Variants in GTF2I observed in about 807,000 individuals in gnomAD.
GTF2I encodes general transcription factor IIi.
A neutral mutation model predicts 67.6 loss-of-function variants in GTF2I; 12 were observed. The ratio of observed to expected loss-of-function variants is 0.18; its 90% CI spans 0.11 to 0.29. The LOEUF is 0.29. GTF2I is among the 10% of genes least tolerant of loss of function. The probability of loss-of-function intolerance (pLI) is 1.00; values close to 1 mark genes in which losing one functional copy is unlikely to be tolerated. For synonymous variants in GTF2I, 149 were observed against 197.0 expected (o/e 0.76, Z 2.04); for missense variants, 271 against 580.1 (o/e 0.47, Z 5.47).
At chr7:74,700,486 A>T in intron 5 of GTF2I, 56 bp downstream of exon 5, 1 of 1,603,010 alleles carries the variant, frequency 6.2e-7, no homozygotes, top group Non-Finnish European at 8.5e-7. Context: ...AAATTTGAAT[A>T]TTTAGCTTAC....
chr7:74,692,674 AT>A (rs1788441737), intron 3 of GTF2I, among the ~76,000 whole-genome samples: 1 of 152,118 alleles, frequency 6.6e-6, no homozygotes, highest in Non-Finnish European at 1.5e-5. Context: ...TTGATACAGC[AT>A]TTTCTTAAAA....
At chr7:74,679,149 G>A (rs1407658092) in intron 1 of GTF2I, among the ~76,000 whole-genome samples, 1 of 151,324 alleles carries the variant, frequency 6.6e-6, no homozygotes, top group Non-Finnish European at 1.5e-5. Context: ...CGTGAACTTG[G>A]ATCACTGCAA....
At chr7:74,688,165 G>A (rs957290564) in intron 1 of GTF2I, among the ~76,000 whole-genome samples, 42 of 152,110 alleles carry the variant, frequency 2.8e-4, no homozygotes, top group East Asian at 7.7e-4. Context: ...TGCAACCTCC[G>A]TCTCCCAGGT....
chr7:74,673,880 C>T (rs111540703), intron 1 of GTF2I, among the ~76,000 whole-genome samples: 14 of 150,772 alleles, frequency 9.3e-5, no homozygotes, highest in African/African-American at 3.2e-4. Context: ...AGGGTTTCAC[C>T]GAGTTGGCCA....
Position 74,714,919 on chromosome 7 carries a change from A to T in GTF2I, c.823+3A>T, listed in dbSNP as rs1554403341. On this transcript the variant is annotated splice_donor_region_variant and intron_variant, in intron 10 of 34. Coordinates refer to ENST00000573035, the MANE Select transcript of GTF2I (RefSeq NM_032999.4). ...GCCCCTATCGAAGCCTTTGCAAGGT[A>T]TAATCTTTTCACTTCCATTCTCCCA... 1 of 1,584,480 alleles carries T rather than the reference A, an allele frequency of 6.3e-7. No individual in the cohort carries two copies. Among genetic ancestry groups the T allele is most frequent in the Non-Finnish European group, 8.6e-7 (1 of 1,158,552 alleles).
intron 19 of GTF2I, among the ~76,000 whole-genome samples, chr7:74,738,763 G>A (rs1211982703): frequency 7.3e-4 from 1 of 1,370 alleles, no homozygotes; most frequent in African/African-American, 1.3e-3. Flanking sequence ...GACAGTTGGC[G>A]CGTCTTTCAT....
intron 3 of GTF2I, among the ~76,000 whole-genome samples, chr7:74,694,771 A>G (rs1206597374): frequency 3.3e-5 from 5 of 152,202 alleles, no homozygotes; most frequent in African/African-American, 4.8e-5. Flanking sequence ...GATACTCTCT[A>G]GGACTTTGCT....
rs587626982 is a variant in GTF2I at position 74,684,298 on chromosome 7, G to A, written c.-5-4826G>A. 2.8e-4 allele frequency among the ~76,000 whole-genome samples: 43 copies of A among 152,314 alleles called. No homozygotes were observed. In the South Asian group the frequency reaches 6.2e-3, roughly 22 times the overall value. On this transcript the variant is annotated intron_variant, in intron 1 of 34. Coordinates refer to ENST00000573035, the MANE Select transcript of GTF2I (RefSeq NM_032999.4). ...TGAGGGTATTCATAAAAGGGATTGA[G>A]CATTTCCATTTATGGACGAGGCAAC...
intron 12 of GTF2I, among the ~76,000 whole-genome samples, chr7:74,725,481 G>GTTCAAGACCAAC (rs1403412988): frequency 2.6e-5 from 4 of 151,948 alleles, no homozygotes; most frequent in South Asian, 4.1e-4. Context: ...GAGGCCAGGA[G>GTTCAAGACCAAC]TTCAAGACCA....
chr7:74,660,535 T>TA (rs1804382274), intron 1 of GTF2I, among the ~76,000 whole-genome samples: 1 of 152,116 alleles, frequency 6.6e-6, no homozygotes, highest in Non-Finnish European at 1.5e-5. Context: ...TGTTCCTTCT[T>TA]AGTCTCCCAA....
intron 1 of GTF2I, among the ~76,000 whole-genome samples, chr7:74,658,899 C>T (rs971360287): frequency 8.5e-5 from 13 of 152,194 alleles, no homozygotes; most frequent in African/African-American, 2.7e-4. Context: ...AAAGCTGTCT[C>T]CTTCCCGCTC....
intron 3 of GTF2I, among the ~76,000 whole-genome samples, chr7:74,691,967 G>A (rs587600541): frequency 6.6e-6 from 1 of 151,354 alleles, no homozygotes; most frequent in African/African-American, 2.4e-5. Context: ...AGTAAAGACA[G>A]GGTTTTGCCA....
intron 10 of GTF2I, among the ~76,000 whole-genome samples, chr7:74,715,304 G>A (rs1554403413): frequency 6.6e-6 from 1 of 152,020 alleles, no homozygotes; most frequent in East Asian, 1.9e-4. Flanking sequence ...TTGTTAATCT[G>A]TAAGTTTCGA....
chr7:74,676,466 C>G (rs1039617457), intron 1 of GTF2I, among the ~76,000 whole-genome samples: 2 of 151,962 alleles, frequency 1.3e-5, no homozygotes, highest in South Asian at 4.1e-4. Flanking sequence ...AACAAACAAA[C>G]AAACAAACCA....
At chr7:74,695,941 C>T (rs2131315157) in intron 3 of GTF2I, among the ~76,000 whole-genome samples, 1 of 152,162 alleles carries the variant, frequency 6.6e-6, no homozygotes, top group African/African-American at 2.4e-5. Context: ...CTGTCCTCAG[C>T]TGCAAGCTGT....
At chr7:74,692,456 C>A (rs1263826059) in intron 3 of GTF2I, among the ~76,000 whole-genome samples, 5 of 152,216 alleles carry the variant, frequency 3.3e-5, no homozygotes, top group Non-Finnish European at 7.3e-5. Context: ...CAAAATTAAA[C>A]AGTTCTCCTC....
intron 12 of GTF2I, among the ~76,000 whole-genome samples, chr7:74,720,327 A>C (rs1459341319): frequency 6.6e-6 from 1 of 151,886 alleles, no homozygotes; most frequent in Non-Finnish European, 1.5e-5. Flanking sequence ...TCACCTACTG[A>C]TGTCACTTGG....
In GTF2I at chr7:74,657,959, G is replaced by T. The variant is rs1554384412; in HGVS notation, c.-115G>T. The T allele has an allele frequency of 6.6e-6, 1 of 151,806 alleles. No homozygotes were observed. The highest frequency in any genetic ancestry group is 1.5e-5 in the Non-Finnish European group (1 of 67,968). 9.4% of individuals were successfully genotyped at this position (151,806 alleles called of 1,614,324 possible). A position where few individuals can be genotyped will look rare whatever the true frequency, so the allele number is the denominator to read the frequency against. ...CCTCTCGCCTCCCGTCCGCTCGCCA[G>T]CTCCCCTCAGCCGAGGCTGCTCCGC... On this transcript the variant is annotated 5_prime_UTR_variant, in exon 1 of 35. Coordinates refer to ENST00000573035, the MANE Select transcript of GTF2I (RefSeq NM_032999.4).
intron 1 of GTF2I, among the ~76,000 whole-genome samples, chr7:74,688,487 G>A (rs1787944082): frequency 6.6e-6 from 1 of 151,844 alleles, no homozygotes; most frequent in African/African-American, 2.4e-5. Flanking sequence ...ACGGAGTTTT[G>A]CTCTTGTCAC....
Sources: allele counts gnomAD v4.1 joint callset (sites outside exome capture counted in the v4.1 genomes callset), GRCh38; gene constraint gnomAD v4.1.1; transcripts MANE v1.5; gene names NCBI Gene and HGNC (gene_info 2026-07-23, HGNC 2026-07-21).